Variants in ZNF514 observed in about 807,000 individuals in gnomAD.
ZNF514 encodes zinc finger protein 514.
Under a neutral mutation model 9.7 loss-of-function variants are expected in ZNF514, and 12 were observed. The ratio of observed to expected loss-of-function variants is 1.24; its 90% CI spans 0.79 to 2.01. The LOEUF is 2.01. Among genes scored for constraint, ZNF514 ranks in the 30% most tolerant of loss-of-function variants. The pLI is 0.00. For synonymous variants in ZNF514, 158 were observed against 163.7 expected (o/e 0.97, Z 0.27); for missense variants, 467 against 465.5 (o/e 1.00, Z -0.03).
rs878892192 is a variant in ZNF514, at chr2:95,146,367, A to C, written c.*2915T>G. On this transcript the variant is annotated 3_prime_UTR_variant, in exon 5 of 5. Coordinates refer to ENST00000295208, the MANE Select transcript of ZNF514 (RefSeq NM_032788.3). ...ATTACAAATGGTAAGATATGACTTC[A>C]TATCAGTTTTCAAGAGAACACCTCT... 6.6e-6 allele frequency among the ~76,000 whole-genome samples: 1 copy of C among 152,218 alleles called. No homozygotes were observed. The highest frequency in any genetic ancestry group is 1.5e-5 in the Non-Finnish European group (1 of 68,044).
At chr2:95,139,829 G>A in the ZNF514 span, among the ~76,000 whole-genome samples, 1 of 152,164 alleles carries the variant, frequency 6.6e-6, no homozygotes, top group African/African-American at 2.4e-5. Flanking sequence ...ATGTTGAAAT[G>A]TAATACCAAT....
intron 2 of ZNF514, among the ~76,000 whole-genome samples, chr2:95,156,908 T>C (rs961873660): frequency 6.6e-6 from 1 of 152,138 alleles, no homozygotes. Flanking sequence ...TCCCCAATTC[T>C]CCATGAGCTT....
chr2:95,132,144 CAAAAA>C, the ZNF514 span, among the ~76,000 whole-genome samples: 2 of 16,624 alleles, frequency 1.2e-4, no homozygotes, highest in African/African-American at 2.3e-4. Flanking sequence ...GACTCTGTCT[CAAAAA>C]AAAAAAAAAA....
chr2:95,153,205 G>GC lies in ZNF514; in HGVS notation c.48dup (p.Gln17AlafsTer42). 1 of 1,613,982 alleles carries GC rather than the reference G, an allele frequency of 6.2e-7. No homozygotes were observed. Among genetic ancestry groups the GC allele is most frequent in the Non-Finnish European group, 8.5e-7 (1 of 1,179,888 alleles). On this transcript the variant is annotated frameshift_variant, in exon 3 of 5. Coordinates refer to ENST00000295208, the MANE Select transcript of ZNF514 (RefSeq NM_032788.3). LOFTEE classifies it high-confidence loss of function. ...AGGTCCTTCTGAGCAGGGTTCAGCT[G>GC]CCCCCACTCCCACTGGCTGAATTCC...
chr2:95,134,588 T>C, the ZNF514 span, among the ~76,000 whole-genome samples: 1 of 152,204 alleles, frequency 6.6e-6, no homozygotes, highest in African/African-American at 2.4e-5. Context: ...CTATTATTAC[T>C]GCGAAAAGAA....
At chr2:95,141,428 A>G (rs141370273), downstream of ZNF514, among the ~76,000 whole-genome samples, 85 of 152,238 alleles carry the variant, frequency 5.6e-4, 1 homozygote, top group African/African-American at 1.9e-3. Context: ...TCCCCTGGGG[A>G]CGTATCAGTT....
intron 4 of ZNF514, 21 bp from the exon 5 acceptor site, chr2:95,150,288 AAAAG>A (rs772468401): frequency 3.3e-5 from 50 of 1,526,846 alleles, no homozygotes; most frequent in Non-Finnish European, 4.4e-5. Flanking sequence ...AAAAAAAAAA[AAAAG>A]AAGACATTCT....
At chr2:95,152,556 A>T in intron 4 of ZNF514, 118 bp downstream of exon 4, 1 of 772,204 alleles carries the variant, frequency 1.3e-6, no homozygotes, top group Non-Finnish European at 2.2e-6. Flanking sequence ...ACCAGAGTTG[A>T]GGGCTCCTGC....
In ZNF514 at chr2:95,157,365, T is replaced by G. The variant is rs1255172578; in HGVS notation, c.-21A>C. The stretch of plus-strand genomic sequence containing the variant: ...ATACAACTCACCCGAGGCCTGGCTT[T>G]CAGGAATGAATTGGTTGTTCCCTCT... On this transcript the variant is annotated 5_prime_UTR_variant, in exon 2 of 5. Coordinates refer to ENST00000295208, the MANE Select transcript of ZNF514 (RefSeq NM_032788.3). 2.3e-6 allele frequency: 3 copies of G among 1,289,576 alleles called. No individual in the cohort carries two copies. Among genetic ancestry groups the G allele is most frequent in the Non-Finnish European group, 3.0e-6 (3 of 988,784 alleles). 79.9% of individuals were successfully genotyped at this position (1,289,576 alleles called of 1,614,324 possible).
Position 95,152,723 on chromosome 2 carries a change from CCCT to C in ZNF514, c.165_167del (p.Gly57del). On this transcript the variant is annotated inframe_deletion, in exon 4 of 5. Transcript: ENST00000295208. Reference sequence around the variant, plus strand: ...CTCTCTCCACCATGAAGGGCTCACCCCCTTCCTCCAACTGGCAGATCACATATG... The same window carrying C: ...CTCTCTCCACCATGAAGGGCTCACCCTCCTCCAACTGGCAGATCACATATG... 1 of 1,614,194 alleles carries C rather than the reference CCCT, an allele frequency of 6.2e-7. No individual in the cohort carries two copies. The highest frequency in any genetic ancestry group is 1.1e-5 in the South Asian group (1 of 91,084).
At chr2:95,151,038 T>C (rs1410849442) in intron 4 of ZNF514, among the ~76,000 whole-genome samples, 4 of 152,220 alleles carry the variant, frequency 2.6e-5, no homozygotes, top group Non-Finnish European at 5.9e-5. Context: ...TATTATATAT[T>C]ATGCACATAT....
At chr2:95,154,700 C>T (rs1017213810) in intron 2 of ZNF514, 15 of 152,122 alleles carry the variant, frequency 9.9e-5, no homozygotes. Flanking sequence ...AAATGGAAGG[C>T]AATAGGAAAT....
In ZNF514 at chr2:95,149,669, A is replaced by T. The variant is rs1480453200; in HGVS notation, c.816T>A (p.Ser272Arg). 1 of 1,613,462 alleles carries T rather than the reference A, an allele frequency of 6.2e-7. No homozygotes were observed. Among genetic ancestry groups the T allele is most frequent in the African/African-American group, 1.3e-5 (1 of 74,742 alleles). ...CSECGRAFSQSSSLVLHYRFH... is the reference protein window; with the variant it reads ...CSECGRAFSQRSSLVLHYRFH... ...ATCTATAGTGCAGAACAAGAGACGA[A>T]CTCTGGCTGAAGGCTCTCCCACATT... Residue 272 changes from serine to arginine, a missense_variant, in exon 5 of 5, where the codon AGT (serine) becomes AGA (arginine). Physicochemically the swap from Ser to Arg is moderately radical, Grantham distance 110. Transcript: ENST00000295208.
At chr2:95,143,131 A>G (rs1367507378), downstream of ZNF514, among the ~76,000 whole-genome samples, 1 of 152,246 alleles carries the variant, frequency 6.6e-6, no homozygotes, top group Non-Finnish European at 1.5e-5. Context: ...ATCCTGGTAC[A>G]GTTTACTACA....
chr2:95,137,263 C>A, the ZNF514 span, among the ~76,000 whole-genome samples: 1 of 152,090 alleles, frequency 6.6e-6, no homozygotes, highest in Non-Finnish European at 1.5e-5. Context: ...CCAAGAGATT[C>A]AAAAATATCA....
rs200026413 is a variant in ZNF514 at position 95,150,136 on chromosome 2, A to C, written c.349T>G (p.Cys117Gly). Residue 117 changes from cysteine (C) to glycine (G), a missense_variant, in exon 5 of 5, where the codon TGC becomes GGC. By Grantham distance (159) the Cys-to-Gly change is radical. Coordinates refer to ENST00000295208, the MANE Select transcript of ZNF514 (RefSeq NM_032788.3). Reference sequence around the variant, plus strand: ...ATCTCTAACTGGCCATCACAACCGCAGGCTGCTTTCAACTTCGAGAACTGC... The same window carrying C: ...ATCTCTAACTGGCCATCACAACCGCCGGCTGCTTTCAACTTCGAGAACTGC... ...VLQFSKLKAACGCDGQLEMQQ... is the reference protein window; with the variant it reads ...VLQFSKLKAAGGCDGQLEMQQ... 4.5e-5 allele frequency: 73 copies of C among 1,611,464 alleles called. No individual in the cohort carries two copies. The highest frequency in any genetic ancestry group is 6.0e-5 in the Non-Finnish European group (71 of 1,180,024).
rs749762654 is a variant in ZNF514 at position 95,149,297 on chromosome 2, T to TC, written c.1187dup (p.Thr399AsnfsTer137). The TC allele has an allele frequency of 3.8e-6, 6 of 1,575,260 alleles. No homozygotes were observed. The African/African-American group carries it at 4.1e-5, about 11-fold the overall frequency. ...TTCACTGAATTTATAGGGTTTTTTT[T>TC]CCAGCATGACTTCTCTGATGTTTAA... On this transcript the variant is annotated frameshift_variant, in exon 5 of 5. Transcript: ENST00000295208. LOFTEE classifies it high-confidence loss of function.
At position 95,149,168 on chromosome 2, in the gene ZNF514, C is replaced by G; in HGVS notation, c.*114G>C. ...TTAGTAATTATTGCCTGATGTGGAA[C>G]AAGATGTGGTCTTCCCACATACATT... On this transcript the variant is annotated 3_prime_UTR_variant, in exon 5 of 5. Transcript: ENST00000295208. 2 of 1,286,414 alleles carry G rather than the reference C, an allele frequency of 1.6e-6. No individual in the cohort carries two copies. Among genetic ancestry groups the G allele is most frequent in the Non-Finnish European group, 2.1e-6 (2 of 945,866 alleles). The allele number at this position is 1,286,414 out of a possible 1,614,324, so 79.7% of individuals were successfully genotyped here. A position where few individuals can be genotyped will look rare whatever the true frequency, so the allele number is the denominator to read the frequency against.
chr2:95,152,678 G>C lies in ZNF514; in HGVS notation c.213C>G (p.His71Gln), dbSNP rs985439120. Reference sequence around the variant, plus strand: ...TGCTTTCACTCACTCACTCACCTGAGTGGGCTCCTGTTGAGATTTCTCTCT... The same window carrying C: ...TGCTTTCACTCACTCACTCACCTGACTGGGCTCCTGTTGAGATTTCTCTCT... Reference protein sequence around the residue: ...MVEREISTGAHSDWKRRSKSK... With the variant: ...MVEREISTGAQSDWKRRSKSK... The change falls in exon 4 of 5, where the codon CAC (histidine) becomes CAG (glutamine). Residue 71 changes from histidine to glutamine, a missense_variant. Transcript: ENST00000295208. 9 of 1,614,022 alleles carry C rather than the reference G, an allele frequency of 5.6e-6. No homozygotes were observed. Among genetic ancestry groups the C allele is most frequent in the African/African-American group, 1.3e-5 (1 of 75,046 alleles).
Sources: gnomAD v4.1 joint callset for allele counts (sites outside exome capture counted in the v4.1 genomes callset) on GRCh38, gnomAD v4.1.1 for gene constraint, MANE v1.5 for transcripts, NCBI Gene and HGNC (gene_info 2026-07-23, HGNC 2026-07-21) for gene names.